The following SPACA9 variants were observed in gnomAD, a reference collection of about 807,000 sequenced individuals.
SPACA9 encodes the protein sperm acrosome-associated protein 9.
Under a neutral mutation model 12.5 loss-of-function variants are expected in SPACA9, and 14 were observed. The observed-to-expected ratio is 1.12, with a 90% CI of 0.74 to 1.75. The LOEUF (loss-of-function observed/expected upper bound fraction) is 1.75. SPACA9 is among the 40% of genes most tolerant of loss of function. The pLI is 0.00. For synonymous variants in SPACA9, 111 were observed against 114.1 expected, an observed-to-expected ratio of 0.97 and a Z score of 0.17; for missense variants, 292 against 291.9, an observed-to-expected ratio of 1.00 and a Z score of 0.00.
downstream of SPACA9, chr9:132,890,120 C>T (rs1588273624): frequency 1.2e-6 from 1 of 853,624 alleles, no homozygotes; most frequent in East Asian, 3.2e-5. Flanking sequence ...CAGTAAGCCT[C>T]AGCAGACAGC....
At chr9:132,890,254 G>C (rs1458439211), downstream of SPACA9, 1 of 273,220 alleles carries the variant, frequency 3.7e-6, no homozygotes, top group Non-Finnish European at 6.9e-6. Flanking sequence ...GTCTAGTTAA[G>C]AGACCTAGTC....
upstream of SPACA9, chr9:132,878,868 G>T: frequency 1.3e-5 from 10 of 758,580 alleles, no homozygotes; most frequent in Non-Finnish European, 1.6e-5. This position sits in a 1 kb window ranked among gnomAD's most constrained non-coding sequence, Gnocchi z 4.7. Context: ...CCGCGGCCCC[G>T]CCCCTTCTCG....
Position 132,889,795 on chromosome 9 carries a change from A to G in SPACA9, c.*1184A>G. ...CCTTTCCTTCGCCTTTACTTGGGAG[A>G]GGGAGACCATGACAGAAGCCAGAAT... On this transcript the variant is annotated 3_prime_UTR_variant, in exon 4 of 4. Coordinates refer to ENST00000356311, the MANE Select transcript of SPACA9 (RefSeq NM_001316897.2). 7.6e-7 allele frequency: 1 copy of G among 1,316,518 alleles called. No homozygotes were observed. Among genetic ancestry groups the G allele is most frequent in the East Asian group, 2.9e-5 (1 of 35,040 alleles). 81.6% of individuals were successfully genotyped at this position (1,316,518 alleles called of 1,614,324 possible). A position where few individuals can be genotyped will look rare whatever the true frequency, so the allele number is the denominator to read the frequency against.
rs1411207303 is a variant in SPACA9 at position 132,887,073 on chromosome 9, C to A, written c.145-296C>A. On this transcript the variant is annotated intron_variant, in intron 2 of 3. Coordinates refer to ENST00000356311, the MANE Select transcript of SPACA9 (RefSeq NM_001316897.2). The surrounding 1 kb of genome is among the most constrained non-coding windows in gnomAD (Gnocchi z 5.4). ...GTGATCCCCGCCCACCTCAGCCTCC[C>A]AAAGTGCGGGGATTACACGTGTGAG... 1.3e-5 allele frequency among the ~76,000 whole-genome samples: 2 copies of A among 152,072 alleles called. No individual in the cohort carries two copies. The highest frequency in any genetic ancestry group is 2.4e-5 in the African/African-American group (1 of 41,388).
At position 132,881,475 on chromosome 9, in the gene SPACA9, C is replaced by T. The variant is rs200481238; in HGVS notation, c.-37-2436C>T. Among the ~76,000 whole-genome samples the T allele has an allele frequency of 2.1e-4, 32 of 151,262 alleles. No individual in the cohort carries two copies. In the East Asian group the frequency reaches 5.8e-3, roughly 27 times the overall value. On this transcript the variant is annotated intron_variant, in intron 1 of 3. Coordinates refer to ENST00000356311, the MANE Select transcript of SPACA9 (RefSeq NM_001316897.2). The stretch of plus-strand genomic sequence containing the variant: ...AGAGCAAGACCCATTCTTTAAAAAA[C>T]GTTTTTGGGGCTGGGTACAGTGGCT...
At chr9:132,882,501 C>T (rs544814675) in intron 1 of SPACA9, among the ~76,000 whole-genome samples, 3 of 149,608 alleles carry the variant, frequency 2.0e-5, no homozygotes, top group Admixed American at 6.6e-5. Context: ...CTCCCTGTGT[C>T]CTAGGCTGGA....
intron 1 of SPACA9, among the ~76,000 whole-genome samples, chr9:132,882,539 G>A (rs112891606): frequency 6.7e-6 from 1 of 150,086 alleles, no homozygotes; most frequent in Non-Finnish European, 1.5e-5. Context: ...TGGCTCACTG[G>A]AGCCTTGACC....
At position 132,889,224 on chromosome 9, in the gene SPACA9, C is replaced by G. The variant is rs1176102177; in HGVS notation, c.*613C>G. 6 of 986,044 alleles carry G rather than the reference C, an allele frequency of 6.1e-6. No individual in the cohort carries two copies. Among genetic ancestry groups the G allele is most frequent in the Non-Finnish European group, 6.0e-6 (5 of 830,522 alleles). 61.1% of individuals were successfully genotyped at this position (986,044 alleles called of 1,614,324 possible). ...CACCTAGGTCCTCTTTGAGCCACAT[C>G]CGGCTCCAGTGCCACGCCTGTCCCT... On this transcript the variant is annotated 3_prime_UTR_variant, in exon 4 of 4. Transcript: ENST00000356311.
chr9:132,880,279 G>T (rs1844368732), intron 1 of SPACA9, among the ~76,000 whole-genome samples: 1 of 152,146 alleles, frequency 6.6e-6, no homozygotes, highest in Non-Finnish European at 1.5e-5. Context: ...TCCTCCCCCA[G>T]ATCGAGAAGT....
intron 1 of SPACA9, among the ~76,000 whole-genome samples, chr9:132,881,262 C>CAAAAAAAAAGAAA (rs796490391): frequency 5.3e-5 from 1 of 18,770 alleles, no homozygotes; most frequent in African/African-American, 1.4e-4. Context: ...CCCATCTCTA[C>CAAAAAAAAAGAAA]AAAAAAAAAG....
chr9:132,885,836 G>C (rs1348798788), intron 2 of SPACA9, among the ~76,000 whole-genome samples: 2 of 152,154 alleles, frequency 1.3e-5, no homozygotes, highest in African/African-American at 4.8e-5. Context: ...GTAAACAGTG[G>C]CCTTGTGTTC....
upstream of SPACA9, chr9:132,878,685 G>C: frequency 6.0e-6 from 6 of 992,806 alleles, no homozygotes; most frequent in Non-Finnish European, 6.0e-6. This position sits in a 1 kb window ranked among gnomAD's most constrained non-coding sequence, Gnocchi z 4.7. Flanking sequence ...ATGTGGGGGA[G>C]GGTGTTTGAA....
At position 132,887,938 on chromosome 9, in the gene SPACA9, C is replaced by T. The variant is rs577538043; in HGVS notation, c.348-352C>T. 6.6e-6 allele frequency among the ~76,000 whole-genome samples: 1 copy of T among 152,266 alleles called. No individual in the cohort carries two copies. The highest frequency in any genetic ancestry group is 1.5e-5 in the Non-Finnish European group (1 of 68,006). ...TGGCACTGAGGGCTCCTCATCCTGA[C>T]AGCCCGGGAGCCTGCAGCACAGTGG... On this transcript the variant is annotated intron_variant, in intron 3 of 3. Coordinates refer to ENST00000356311, the MANE Select transcript of SPACA9 (RefSeq NM_001316897.2). The surrounding 1 kb of genome is among the most constrained non-coding windows in gnomAD (Gnocchi z 5.4).
chr9:132,884,054 C>T lies in SPACA9; in HGVS notation c.107C>T (p.Ala36Val). 1.2e-6 allele frequency: 2 copies of T among 1,614,132 alleles called. No homozygotes were observed. Among genetic ancestry groups the T allele is most frequent in the Non-Finnish European group, 1.7e-6 (2 of 1,180,008 alleles). Reference sequence around the variant, plus strand: ...GCTCTGGAGCACTGCAGGGAGAACGCCCACGACAAGATCCGGCCCATCTCC... The same window carrying T: ...GCTCTGGAGCACTGCAGGGAGAACGTCCACGACAAGATCCGGCCCATCTCC... ...TAALEHCREN[A>V]HDKIRPISSI... is the part of the protein sequence containing the mutation. Residue 36 changes from alanine to valine, a missense_variant, in exon 2 of 4, where the codon GCC (alanine) becomes GTC (valine). Ala to Val is a moderately conservative substitution (Grantham distance 64). Coordinates refer to ENST00000356311, the MANE Select transcript of SPACA9 (RefSeq NM_001316897.2).
chr9:132,890,053 G>A (rs1844711696), downstream of SPACA9: 5 of 1,363,146 alleles, frequency 3.7e-6, no homozygotes, highest in Admixed American at 1.1e-4. Flanking sequence ...TTGGTTTCCT[G>A]GGATTTATCC....
Position 132,889,512 on chromosome 9 carries a change from TCTCCTGC to T in SPACA9, c.*905_*911del, listed in dbSNP as rs1474888599. ...ACCTCCACCTCCAGGTTCAAGCGAT[TCTCCTGC>T]CTCAGCCTCCTGAGTAGCTGGAATT... On this transcript the variant is annotated 3_prime_UTR_variant, in exon 4 of 4. Transcript: ENST00000356311. 4 of 686,250 alleles carry T rather than the reference TCTCCTGC, an allele frequency of 5.8e-6. No individual in the cohort carries two copies. In the East Asian group the frequency reaches 5.4e-4, roughly 92 times the overall value. The allele number at this position is 686,250 out of a possible 1,614,324, so 42.5% of individuals were successfully genotyped here.
chr9:132,885,812 G>A (rs1189776549), intron 2 of SPACA9, among the ~76,000 whole-genome samples: 1 of 152,196 alleles, frequency 6.6e-6, no homozygotes, highest in East Asian at 1.9e-4. Context: ...CTTAGGTTCA[G>A]CCGAAGGCTC....
Position 132,883,976 on chromosome 9 carries a change from G to A in SPACA9, c.29G>A (p.Ser10Asn), listed in dbSNP as rs1457754562. Reference protein sequence around the residue: MNEVKESLRSIEQKYKLFQQ... With the variant: MNEVKESLRNIEQKYKLFQQ... ...AATGAGGTGAAAGAATCCCTTCGCA[G>A]CATCGAGCAGAAGTACAAGCTCTTC... Residue 10 changes from serine (S) to asparagine (N), a missense_variant, in exon 2 of 4, where the codon AGC becomes AAC. Coordinates refer to ENST00000356311, the MANE Select transcript of SPACA9 (RefSeq NM_001316897.2). 1 of 1,614,100 alleles carries A rather than the reference G, an allele frequency of 6.2e-7. No individual in the cohort carries two copies. Among genetic ancestry groups the A allele is most frequent in the African/African-American group, 1.3e-5 (1 of 74,928 alleles).
chr9:132,880,968 G>T (rs1430456471), intron 1 of SPACA9, among the ~76,000 whole-genome samples: 1 of 151,758 alleles, frequency 6.6e-6, no homozygotes, highest in East Asian at 1.9e-4. Flanking sequence ...GACTACAGGC[G>T]CCCGCCACCG....
Sources: gnomAD v4.1 joint callset for allele counts (sites outside exome capture counted in the v4.1 genomes callset) on GRCh38, gnomAD v4.1.1 for gene constraint, Gnocchi (gnomAD v3.1) non-coding constraint, MANE v1.5 for transcripts, NCBI Gene and HGNC (gene_info 2026-07-23, HGNC 2026-07-21) for gene names.